The following UGT1A4 variants were observed in gnomAD, a reference collection of about 807,000 sequenced individuals.
The protein encoded by UGT1A4 is UDP-glucuronosyltransferase 1A4.
A neutral mutation model predicts 41.1 loss-of-function variants in UGT1A4; 32 were observed. The ratio of observed to expected loss-of-function variants is 0.78; its 90% CI spans 0.59 to 1.05. The LOEUF is 1.05. UGT1A4 is among the 50% of genes least tolerant of loss of function. UGT1A4 has a pLI of 0.00. For synonymous variants in UGT1A4, 283 were observed against 265.1 expected (o/e 1.07, Z -0.66); for missense variants, 748 against 677.4 (o/e 1.10, Z -1.16).
intron 1 of UGT1A4, among the ~76,000 whole-genome samples, chr2:233,766,438 G>A (rs1233276669): frequency 2.6e-5 from 4 of 152,194 alleles, no homozygotes; most frequent in Non-Finnish European, 5.9e-5. Flanking sequence ...AGCTACCTGT[G>A]TGTCTGCCTG....
chr2:233,744,895 T>C (rs1259140735), intron 1 of UGT1A4, among the ~76,000 whole-genome samples: 1 of 151,910 alleles, frequency 6.6e-6, no homozygotes, highest in African/African-American at 2.4e-5. Flanking sequence ...CTCCTCTCCA[T>C]ACCAAAATCT....
intron 1 of UGT1A4, among the ~76,000 whole-genome samples, chr2:233,726,595 T>C (rs6715325): frequency 0.46 from 69,783 of 152,034 alleles, 16,487 homozygotes; most frequent in South Asian, 0.58. Flanking sequence ...TAAGAGCCCT[T>C]GTGATTACAC....
At chr2:233,762,034 A>G (rs750851212) in intron 1 of UGT1A4, among the ~76,000 whole-genome samples, 3 of 151,806 alleles carry the variant, frequency 2.0e-5, no homozygotes, top group Non-Finnish European at 2.9e-5. Context: ...ATTTTTTTTA[A>G]TTTTCTGTGC....
chr2:233,760,466 T>A (rs370892808), intron 1 of UGT1A4: 5 of 1,614,114 alleles, frequency 3.1e-6, no homozygotes, highest in Non-Finnish European at 4.2e-6. Context: ...ATAGTTGTCC[T>A]AGCACCTGAC....
intron 3 of UGT1A4, 132 bp downstream of exon 3, chr2:233,768,068 A>C: frequency 6.3e-7 from 1 of 1,596,810 alleles, no homozygotes; most frequent in African/African-American, 1.3e-5. Flanking sequence ...CTTTTTATCT[A>C]GTGGGGTATC....
intron 1 of UGT1A4, chr2:233,747,465 A>G: frequency 6.2e-7 from 1 of 1,608,768 alleles, no homozygotes; most frequent in African/African-American, 1.3e-5. Context: ...CATTTCATGG[A>G]CCCAGGATGA....
intron 1 of UGT1A4, among the ~76,000 whole-genome samples, chr2:233,748,275 A>G (rs147171654): frequency 6.6e-6 from 1 of 151,830 alleles, no homozygotes; most frequent in Non-Finnish European, 1.5e-5. Context: ...CAATGAGAGG[A>G]AGAAGAGGCA....
rs111385892 is a variant in UGT1A4, at chr2:233,757,128, A to T, written c.868-9906A>T. Among the ~76,000 whole-genome samples the T allele has an allele frequency of 1.2e-3, 185 of 151,286 alleles. 2 individuals carry two copies. The highest frequency in any genetic ancestry group is 4.0e-3 in the African/African-American group (165 of 41,200). On this transcript the variant is annotated intron_variant, in intron 1 of 4. Transcript: ENST00000373409. Reference sequence around the variant, plus strand: ...CAAGCAGAAGGGCTAGAGAGGAGGAATGAGCTTGGACAGGTGGGCTGGGGT... The same window carrying T: ...CAAGCAGAAGGGCTAGAGAGGAGGATTGAGCTTGGACAGGTGGGCTGGGGT...
At chr2:233,740,302 A>C (rs564436017) in intron 1 of UGT1A4, among the ~76,000 whole-genome samples, 20 of 152,050 alleles carry the variant, frequency 1.3e-4, no homozygotes, top group Non-Finnish European at 2.5e-4. Flanking sequence ...GGAGAGTCTG[A>C]GAAAAGGAAA....
At chr2:233,726,995 G>T (rs1214460784) in intron 1 of UGT1A4, among the ~76,000 whole-genome samples, 3 of 152,034 alleles carry the variant, frequency 2.0e-5, no homozygotes, top group African/African-American at 4.8e-5. Flanking sequence ...GTTCTTTCTA[G>T]CAAAGTTTTA....
In UGT1A4 at chr2:233,719,258, T is replaced by C. The variant is rs2076743252; in HGVS notation, c.438T>C (p.Phe146=). The part of the protein sequence containing the change: ...ALIRHLNATS[F]DVVLTDPVNL... The stretch of plus-strand genomic sequence containing the variant: ...TCAGGCACCTGAATGCTACTTCCTT[T>C]GATGTGGTTTTAACAGACCCCGTTA... Residue 146 remains phenylalanine, a synonymous_variant, in exon 1 of 5, where the codon TTT becomes TTC. Coordinates refer to ENST00000373409, the MANE Select transcript of UGT1A4 (RefSeq NM_007120.3). The C allele has an allele frequency of 6.2e-7, 1 of 1,614,162 alleles. No individual in the cohort carries two copies. The highest frequency in any genetic ancestry group is 8.5e-7 in the Non-Finnish European group (1 of 1,180,016).
chr2:233,743,946 C>T, intron 1 of UGT1A4: 1 of 1,349,798 alleles, frequency 7.4e-7, no homozygotes, highest in South Asian at 1.2e-5. Flanking sequence ...CCACCAGGCA[C>T]TGGCACAGCG....
rs551912265 is a variant in UGT1A4 at position 233,725,264 on chromosome 2, G to GGAGGCAGAGGCAGAGGCA, written c.867+5613_867+5630dup. On this transcript the variant is annotated intron_variant, in intron 1 of 4. Transcript: ENST00000373409. The stretch of plus-strand genomic sequence containing the variant: ...CAGAGGCAGAGGAGGCAGAGGCAGA[G>GGAGGCAGAGGCAGAGGCA]GAGGCAGAGGCAGAGGCAGAGGCAG... Among the ~76,000 whole-genome samples, 12 of 58,548 alleles carry GGAGGCAGAGGCAGAGGCA rather than the reference G, an allele frequency of 2.0e-4. 2 individuals are homozygous for GGAGGCAGAGGCAGAGGCA. The highest frequency in any genetic ancestry group is 1.1e-3 in the Admixed American group (7 of 6,532). 38.4% of individuals were successfully genotyped at this position (58,548 alleles called of 152,430 possible). A position where few individuals can be genotyped will look rare whatever the true frequency, so the allele number is the denominator to read the frequency against.
At position 233,747,294 on chromosome 2, in the gene UGT1A4, G is replaced by T. The variant is rs1361092863; in HGVS notation, c.868-19740G>T. 2.5e-6 allele frequency: 4 copies of T among 1,601,728 alleles called. No homozygotes were observed. In the Admixed American group the frequency reaches 6.7e-5, roughly 27 times the overall value. ...TTCTCAGTGCCCAGCCCTGGGCTGA[G>T]AGTGGGAAGGTGCTGGTGGTACCCA... On this transcript the variant is annotated intron_variant, in intron 1 of 4. Transcript: ENST00000373409.
At chr2:233,758,761 T>C (rs892563894) in intron 1 of UGT1A4, among the ~76,000 whole-genome samples, 1 of 152,200 alleles carries the variant, frequency 6.6e-6, no homozygotes, top group Non-Finnish European at 1.5e-5. Context: ...GTGATGTGTA[T>C]GGTTCAAATG....
At chr2:233,726,124 C>T (rs1256965753) in intron 1 of UGT1A4, among the ~76,000 whole-genome samples, 1 of 152,176 alleles carries the variant, frequency 6.6e-6, no homozygotes, top group Non-Finnish European at 1.5e-5. Flanking sequence ...CATGTTCACA[C>T]CACCTCACTC....
chr2:233,758,943 A>T (rs1444308221), intron 1 of UGT1A4, among the ~76,000 whole-genome samples: 2 of 152,240 alleles, frequency 1.3e-5, no homozygotes, highest in Non-Finnish European at 2.9e-5. Context: ...CAAATCAGTC[A>T]TCAGAATTTC....
intron 1 of UGT1A4, among the ~76,000 whole-genome samples, chr2:233,745,694 GAAC>G (rs1198123453): frequency 1.3e-5 from 2 of 150,076 alleles, no homozygotes; most frequent in African/African-American, 2.5e-5. Flanking sequence ...CAAGTTTGGA[GAAC>G]AACAAGTGAT....
chr2:233,772,410 C>A lies in UGT1A4; in HGVS notation c.1456C>A (p.Gln486Lys). ...CGCAGCCCACGACCTCACCTGGTAC[C>A]AGTACCATTCCTTGGACGTGATTGG... Reference protein sequence around the residue: ...RPAAHDLTWYQYHSLDVIGFL... With the variant: ...RPAAHDLTWYKYHSLDVIGFL... Residue 486 changes from glutamine to lysine, a missense_variant, in exon 5 of 5, where the codon CAG becomes AAG. Coordinates refer to ENST00000373409, the MANE Select transcript of UGT1A4 (RefSeq NM_007120.3). 1 of 1,614,220 alleles carries A rather than the reference C, an allele frequency of 6.2e-7. No homozygotes were observed. The highest frequency in any genetic ancestry group is 8.5e-7 in the Non-Finnish European group (1 of 1,180,040).
Sources: gnomAD v4.1 joint callset for allele counts (sites outside exome capture counted in the v4.1 genomes callset) on GRCh38, gnomAD v4.1.1 for gene constraint, MANE v1.5 for transcripts, NCBI Gene and HGNC (gene_info 2026-07-23, HGNC 2026-07-21) for gene names.